PDE7A: variants seen among roughly 807,000 people sequenced by gnomAD.
PDE7A encodes high affinity 3',5'-cyclic-AMP phosphodiesterase 7A.
PDE7A carries 39 observed loss-of-function variants against 64.3 expected under a neutral mutation model. The ratio of observed to expected loss-of-function variants is 0.61; its 90% CI spans 0.47 to 0.79. The LOEUF (loss-of-function observed/expected upper bound fraction) is 0.79. Ranked by LOEUF, PDE7A falls within the 30% of genes least tolerant of loss-of-function variation. The probability of loss-of-function intolerance (pLI) is 0.00; values close to 1 mark genes in which losing one functional copy is unlikely to be tolerated. For missense variants in PDE7A, 470 were observed against 582.8 expected (o/e 0.81, Z 1.99); for synonymous variants, 203 against 206.8 (o/e 0.98, Z 0.16).
At position 65,770,853 on chromosome 8, in the gene PDE7A, TTTG is replaced by T. The variant is rs372444509; in HGVS notation, c.283+8864_283+8866del. 4.4e-3 allele frequency: 694 copies of T among 156,528 alleles called. 4 individuals are homozygous for T. The highest frequency in any genetic ancestry group is 7.5e-3 in the Non-Finnish European group (520 of 69,450). 9.7% of individuals were successfully genotyped at this position (156,528 alleles called of 1,614,324 possible). A position where few individuals can be genotyped will look rare whatever the true frequency, so the allele number is the denominator to read the frequency against. ...CCTAAGTTTCTAAATTTGATAGGAA[TTTG>T]TTTAGATGTGAGGTTTAGCATTGTT... On this transcript the variant is annotated intron_variant, in intron 3 of 12. Transcript: ENST00000401827.
intron 5 of PDE7A, among the ~76,000 whole-genome samples, chr8:65,744,233 AACAAC>A (rs1402520153): frequency 2.0e-5 from 3 of 149,966 alleles, no homozygotes; most frequent in Admixed American, 6.7e-5. Context: ...AACAAAACAA[AACAAC>A]AAAAAAAAAC....
intron 7 of PDE7A, among the ~76,000 whole-genome samples, chr8:65,729,380 T>C (rs112953835): frequency 6.7e-6 from 1 of 150,150 alleles, no homozygotes; most frequent in African/African-American, 2.4e-5. Context: ...TTTTTTTTTT[T>C]TTTTTTTGGC....
intron 6 of PDE7A, among the ~76,000 whole-genome samples, chr8:65,735,924 C>T (rs376327920): frequency 3.3e-5 from 5 of 152,198 alleles, no homozygotes; most frequent in South Asian, 2.1e-4. Flanking sequence ...CATGCCCGGC[C>T]GTATGTGTTT....
intron 12 of PDE7A, 139 bp from the exon 13 acceptor site, chr8:65,719,634 T>G: frequency 1.6e-6 from 1 of 636,372 alleles, no homozygotes. Context: ...CCTGTGTATG[T>G]GTAGGTGACA....
chr8:65,803,630 C>T (rs1156519109), intron 1 of PDE7A, among the ~76,000 whole-genome samples: 1 of 152,120 alleles, frequency 6.6e-6, no homozygotes, highest in Non-Finnish European at 1.5e-5. Flanking sequence ...AGTTTGCACA[C>T]ACCCACAAGA....
chr8:65,808,333 T>G (rs1810159264), intron 1 of PDE7A, among the ~76,000 whole-genome samples: 1 of 152,208 alleles, frequency 6.6e-6, no homozygotes, highest in Admixed American at 6.6e-5. Flanking sequence ...AATGAATAAG[T>G]TACTACAATA....
At chr8:65,721,076 T>C (rs1806357936) in intron 12 of PDE7A, among the ~76,000 whole-genome samples, 1 of 152,220 alleles carries the variant, frequency 6.6e-6, no homozygotes, top group South Asian at 2.1e-4. Flanking sequence ...TTTAAATACC[T>C]GATAAAAATG....
intron 1 of PDE7A, among the ~76,000 whole-genome samples, chr8:65,804,785 C>G (rs1356418583): frequency 1.3e-5 from 2 of 152,090 alleles, no homozygotes; most frequent in Non-Finnish European, 2.9e-5. Flanking sequence ...GTGATCTACC[C>G]GCCTCGGCCT....
intron 6 of PDE7A, among the ~76,000 whole-genome samples, chr8:65,736,118 TTAAAA>T (rs1807117990): frequency 1.3e-5 from 2 of 152,244 alleles, no homozygotes; most frequent in South Asian, 2.1e-4. Context: ...TTAACAATAA[TTAAAA>T]TAAAATAGAA....
rs576045785 is a variant in PDE7A at position 65,820,916 on chromosome 8, A to C, written c.138+20455T>G. 3.3e-5 allele frequency among the ~76,000 whole-genome samples: 5 copies of C among 152,320 alleles called. No individual in the cohort carries two copies. In the South Asian group the frequency reaches 1.0e-3, roughly 32 times the overall value. On this transcript the variant is annotated intron_variant, in intron 1 of 12. Transcript: ENST00000401827. Reference sequence around the variant, plus strand: ...AAATTGTTGATTTAAACAACTGAGGATATAAATAATAAAACAGTGAAAAGC... The same window carrying C: ...AAATTGTTGATTTAAACAACTGAGGCTATAAATAATAAAACAGTGAAAAGC...
At chr8:65,748,352 T>C (rs1185152594) in intron 3 of PDE7A, among the ~76,000 whole-genome samples, 1 of 152,196 alleles carries the variant, frequency 6.6e-6, no homozygotes, top group Non-Finnish European at 1.5e-5. Flanking sequence ...TTATATCCTG[T>C]AAGTGTTCTA....
chr8:65,751,355 GAAGA>G (rs1282008942), intron 3 of PDE7A, among the ~76,000 whole-genome samples: 1 of 152,062 alleles, frequency 6.6e-6, no homozygotes, highest in Non-Finnish European at 1.5e-5. Context: ...AGAAGGGAGG[GAAGA>G]AAGAAAATAA....
intron 3 of PDE7A, among the ~76,000 whole-genome samples, chr8:65,773,046 C>A (rs1353227397): frequency 1.3e-5 from 2 of 152,082 alleles, no homozygotes; most frequent in Non-Finnish European, 2.9e-5. Context: ...AAGCTAACTC[C>A]TGCAGAGAAC....
chr8:65,818,424 A>G (rs1810466532), intron 1 of PDE7A, among the ~76,000 whole-genome samples: 1 of 152,094 alleles, frequency 6.6e-6, no homozygotes, highest in Non-Finnish European at 1.5e-5. Flanking sequence ...ACAATCACTG[A>G]TATCTCTGCT....
intron 1 of PDE7A, among the ~76,000 whole-genome samples, chr8:65,792,779 C>T (rs995432719): frequency 6.6e-6 from 1 of 152,066 alleles, no homozygotes; most frequent in Non-Finnish European, 1.5e-5. Flanking sequence ...TTACTAAAAA[C>T]CAAGGCTTAT....
intron 3 of PDE7A, among the ~76,000 whole-genome samples, chr8:65,749,021 C>T (rs1807810900): frequency 6.6e-6 from 1 of 152,172 alleles, no homozygotes; most frequent in African/African-American, 2.4e-5. Flanking sequence ...AGGCTTCACG[C>T]TCCAAGTCTG....
chr8:65,817,472 TCTA>T (rs898345595), intron 1 of PDE7A, among the ~76,000 whole-genome samples: 4 of 152,248 alleles, frequency 2.6e-5, no homozygotes, highest in African/African-American at 7.2e-5. Context: ...CACCAGTTTT[TCTA>T]CTGTTATTTT....
chr8:65,758,625 A>T (rs1808347820), intron 3 of PDE7A, among the ~76,000 whole-genome samples: 1 of 152,178 alleles, frequency 6.6e-6, no homozygotes, highest in African/African-American at 2.4e-5. Flanking sequence ...TCTGTTATGG[A>T]CAGTGTTTCA....
intron 1 of PDE7A, among the ~76,000 whole-genome samples, chr8:65,815,194 T>C: frequency 6.6e-6 from 1 of 152,336 alleles, no homozygotes; most frequent in Middle Eastern, 3.4e-3. Context: ...AGGTTTTAAA[T>C]TAAATACATA....
Sources: gnomAD v4.1 joint callset for allele counts (sites outside exome capture counted in the v4.1 genomes callset) on GRCh38, gnomAD v4.1.1 for gene constraint, MANE v1.5 for transcripts, NCBI Gene and HGNC (gene_info 2026-07-23, HGNC 2026-07-21) for gene names.